FANCC: variants seen among roughly 807,000 people sequenced by gnomAD.
FANCC encodes the protein Fanconi anemia group C protein.
FANCC carries 55 observed loss-of-function variants against 71.3 expected under a neutral mutation model. The observed-to-expected ratio is 0.77, with a 90% CI of 0.62 to 0.97. FANCC has a LOEUF of 0.97. Ranked by LOEUF, FANCC falls within the 50% of genes least tolerant of loss-of-function variation. The pLI is 0.00. For missense variants in FANCC, 678 were observed against 670.9 expected (o/e 1.01, Z -0.12); for synonymous variants, 275 against 244.9 (o/e 1.12, Z -1.15).
intron 7 of FANCC, among the ~76,000 whole-genome samples, chr9:95,141,987 T>TTTG (rs1828789720): frequency 1.5e-5 from 2 of 132,034 alleles, no homozygotes; most frequent in African/African-American, 6.0e-5. Flanking sequence ...TTTGTGGGGT[T>TTTG]TTTTTTTTTT....
At chr9:95,139,534 C>T (rs1410964858) in intron 7 of FANCC, among the ~76,000 whole-genome samples, 1 of 152,066 alleles carries the variant, frequency 6.6e-6, no homozygotes, top group African/African-American at 2.4e-5. Context: ...GATGGCGGAA[C>T]AGAGTGTGGG....
intron 8 of FANCC, chr9:95,127,182 G>A (rs1826127214): frequency 6.5e-6 from 1 of 153,834 alleles, no homozygotes; most frequent in Admixed American, 6.4e-5. Context: ...TTTCGGTGAT[G>A]GGTTCTGATT....
Position 95,111,561 on chromosome 9 carries a change from A to G in FANCC, c.1231T>C (p.Leu411=), listed in dbSNP as rs1262539351. ...GGGGGTTCGGCTGCCGACATCAGTA[A>G]TTGCTCTGCCACCATCTCAGCCCAT... ...GGWAEMVAEQ[L]LMSAAEPPTA... The change falls in exon 13 of 15, where the codon TTA becomes CTA. Residue 411 remains leucine, a synonymous_variant. Coordinates refer to ENST00000289081, the MANE Select transcript of FANCC (RefSeq NM_000136.3). The G allele has an allele frequency of 6.2e-7, 1 of 1,614,008 alleles. No individual in the cohort carries two copies. The highest frequency in any genetic ancestry group is 8.5e-7 in the Non-Finnish European group (1 of 1,180,040).
intron 1 of FANCC, among the ~76,000 whole-genome samples, chr9:95,291,893 A>G (rs1834025527): frequency 6.9e-6 from 1 of 144,228 alleles, no homozygotes; most frequent in African/African-American, 2.6e-5. Context: ...GGATGCAGTG[A>G]GCCAAGATCG....
chr9:95,101,870 GA>G lies in FANCC; in HGVS notation c.1534-21del. The stretch of plus-strand genomic sequence containing the variant: ...AGCCATCTGCAATCAGGACAGAAGA[GA>G]AGGCAAATTAAAACACTTTCCAGAC... On this transcript the variant is annotated intron_variant, in intron 14 of 14. Coordinates refer to ENST00000289081, the MANE Select transcript of FANCC (RefSeq NM_000136.3). 1 of 1,613,646 alleles carries G rather than the reference GA, an allele frequency of 6.2e-7. No individual in the cohort carries two copies. The highest frequency in any genetic ancestry group is 1.7e-4 in the Middle Eastern group (1 of 6,058).
chr9:95,163,430 C>G (rs1227586543), intron 6 of FANCC, among the ~76,000 whole-genome samples: 1 of 151,920 alleles, frequency 6.6e-6, no homozygotes, highest in African/African-American at 2.4e-5. Context: ...CTTTGAGATT[C>G]TATATACATT....
chr9:95,236,004 A>AT (rs1400796759), intron 4 of FANCC, among the ~76,000 whole-genome samples: 3 of 152,036 alleles, frequency 2.0e-5, no homozygotes, highest in African/African-American at 7.2e-5. Context: ...AGTCTGTTAG[A>AT]TTTTTTAATT....
chr9:95,111,826 C>T (rs2071962618), intron 12 of FANCC, among the ~76,000 whole-genome samples, 189 bp from the exon 13 acceptor site: 1 of 152,210 alleles, frequency 6.6e-6, no homozygotes, highest in African/African-American at 2.4e-5. Flanking sequence ...CACAGGACAT[C>T]GAAAGAGTGC....
rs141424741 is a variant in FANCC at position 95,252,693 on chromosome 9, C to T, written c.-78-3324G>A. Among the ~76,000 whole-genome samples, 600 of 147,310 alleles carry T rather than the reference C, an allele frequency of 4.1e-3. 2 individuals carry two copies. Among genetic ancestry groups the T allele is most frequent in the African/African-American group, 0.014 (573 of 39,574 alleles). The stretch of plus-strand genomic sequence containing the variant: ...CCTGGGAGACAGCTTGTAAGTGAGC[C>T]GAGATCACTCCACTGCACTCCAGCC... On this transcript the variant is annotated intron_variant, in intron 1 of 14. Coordinates refer to ENST00000289081, the MANE Select transcript of FANCC (RefSeq NM_000136.3).
At chr9:95,264,708 G>A (rs998197376) in intron 1 of FANCC, among the ~76,000 whole-genome samples, 9 of 150,848 alleles carry the variant, frequency 6.0e-5, no homozygotes, top group Non-Finnish European at 1.2e-4. Context: ...ACTAATTATG[G>A]AAAAAGAAAA....
At chr9:95,231,246 A>T (rs1829992099) in intron 4 of FANCC, among the ~76,000 whole-genome samples, 1 of 152,214 alleles carries the variant, frequency 6.6e-6, no homozygotes, top group Non-Finnish European at 1.5e-5. Context: ...GCAGAAAGTA[A>T]AAACCAAGTC....
At chr9:95,173,498 TATG>T (rs1312855358) in intron 4 of FANCC, among the ~76,000 whole-genome samples, 23 of 152,172 alleles carry the variant, frequency 1.5e-4, no homozygotes, top group Non-Finnish European at 1.6e-4. Flanking sequence ...TAAATGCAAA[TATG>T]ATGACAGGAA....
At chr9:95,276,237 T>C (rs964958377) in intron 1 of FANCC, among the ~76,000 whole-genome samples, 2 of 152,074 alleles carry the variant, frequency 1.3e-5, no homozygotes, top group African/African-American at 2.4e-5. Flanking sequence ...ATATGGGAGA[T>C]TGCCTCTCAC....
rs1323290015 is a variant in FANCC at position 95,317,699 on chromosome 9, C to T, written c.-252G>A. The stretch of plus-strand genomic sequence containing the variant: ...AGCCGCGCGCGCGCACACGTGTCAG[C>T]AGTGCATTCTGGGGCCTGGCTAGCG... On this transcript the variant is annotated 5_prime_UTR_variant, in exon 1 of 15. Transcript: ENST00000289081. 2 of 152,236 alleles carry T rather than the reference C, an allele frequency of 1.3e-5. No individual in the cohort carries two copies. The highest frequency in any genetic ancestry group is 4.8e-5 in the African/African-American group (2 of 41,456). 9.4% of individuals were successfully genotyped at this position (152,236 alleles called of 1,614,324 possible).
chr9:95,261,501 T>C (rs1367980767), intron 1 of FANCC, among the ~76,000 whole-genome samples: 3 of 152,232 alleles, frequency 2.0e-5, no homozygotes, highest in African/African-American at 7.2e-5. Context: ...AAGTATTTTG[T>C]GCATACACGC....
chr9:95,281,964 C>T (rs929836155), intron 1 of FANCC, among the ~76,000 whole-genome samples: 1 of 151,520 alleles, frequency 6.6e-6, no homozygotes, highest in Admixed American at 6.6e-5. Context: ...GAGAAAATCA[C>T]TTAACCTCAA....
chr9:95,291,833 G>A (rs12349923), intron 1 of FANCC, among the ~76,000 whole-genome samples: 3,284 of 150,216 alleles, frequency 0.022, 128 homozygotes, highest in African/African-American at 0.075. Flanking sequence ...CTGTAGTCCC[G>A]GTTACTCGGG....
rs143181565 is a variant in FANCC at position 95,135,372 on chromosome 9, C to T, written c.817G>A (p.Glu273Lys). The T allele has an allele frequency of 2.2e-4, 356 of 1,613,898 alleles. No homozygotes were observed. The highest frequency in any genetic ancestry group is 2.8e-4 in the Non-Finnish European group (331 of 1,180,006). ...SSERNCLRRIECFIKDSSLPQ... is the reference protein window; with the variant it reads ...SSERNCLRRIKCFIKDSSLPQ... ...AGCGATGAATCTTTTATAAAGCATT[C>T]GATCCTTCTCAGACAATTTCTCTCA... The change falls in exon 8 of 15, where the codon GAA becomes AAA. Residue 273 changes from glutamate to lysine, a missense_variant. Coordinates refer to ENST00000289081, the MANE Select transcript of FANCC (RefSeq NM_000136.3).
intron 6 of FANCC, among the ~76,000 whole-genome samples, chr9:95,157,742 C>A (rs994839210): frequency 6.6e-6 from 1 of 152,200 alleles, no homozygotes; most frequent in Non-Finnish European, 1.5e-5. Context: ...GCCATGAAGG[C>A]TGCGTGCACC....
Sources: allele counts gnomAD v4.1 joint callset (sites outside exome capture counted in the v4.1 genomes callset), GRCh38; gene constraint gnomAD v4.1.1; transcripts MANE v1.5; gene names NCBI Gene and HGNC (gene_info 2026-07-23, HGNC 2026-07-21).